DCBLD2: variants seen among roughly 807,000 people sequenced by gnomAD.
DCBLD2 encodes discoidin, CUB and LCCL domain containing 2.
A neutral mutation model predicts 86.8 loss-of-function variants in DCBLD2; 54 were observed. That is an observed-to-expected ratio of 0.62 (90% CI 0.50 to 0.78). The LOEUF (loss-of-function observed/expected upper bound fraction) is 0.78. DCBLD2 is among the 30% of genes least tolerant of loss of function. The pLI, the probability that DCBLD2 is intolerant of heterozygous loss-of-function variation, is 0.00. For synonymous variants in DCBLD2, 354 were observed against 341.3 expected, an observed-to-expected ratio of 1.04 and a Z score of -0.41; for missense variants, 908 against 954.2, an observed-to-expected ratio of 0.95 and a Z score of 0.64.
intron 2 of DCBLD2, among the ~76,000 whole-genome samples, chr3:98,859,022 G>A (rs936140044): frequency 1.3e-5 from 2 of 152,158 alleles, no homozygotes; most frequent in Admixed American, 6.5e-5. Flanking sequence ...GGTCACTTCT[G>A]CCCTAATACC....
Position 98,901,547 on chromosome 3 carries a change from C to CAGGGG in DCBLD2, c.-226_-222dup. The CAGGGG allele has an allele frequency of 2.7e-6, 1 of 375,102 alleles. No individual in the cohort carries two copies. The allele number at this position is 375,102 out of a possible 1,614,324, so 23.2% of individuals were successfully genotyped here. ...CGCGCCGAGACCCCAGGCCGGAGCG[C>CAGGGG]AGGGGAGGGGAGGGAAGGAAGCGGA... On this transcript the variant is annotated 5_prime_UTR_variant, in exon 1 of 16. Transcript: ENST00000326840.
chr3:98,865,280 C>T (rs1943122410), intron 2 of DCBLD2, among the ~76,000 whole-genome samples: 1 of 151,694 alleles, frequency 6.6e-6, no homozygotes, highest in Non-Finnish European at 1.5e-5. Context: ...ACTATTCAGC[C>T]TGTATTAAAA....
intron 2 of DCBLD2, among the ~76,000 whole-genome samples, chr3:98,880,221 G>A (rs548165095): frequency 2.0e-5 from 3 of 152,270 alleles, no homozygotes; most frequent in Admixed American, 6.5e-5. Flanking sequence ...GGCCAAAAAA[G>A]TAAAGAAGAG....
chr3:98,858,450 C>T (rs115658693), intron 2 of DCBLD2, among the ~76,000 whole-genome samples: 242 of 152,334 alleles, frequency 1.6e-3, no homozygotes, highest in Middle Eastern at 6.8e-3. Flanking sequence ...CGAGAGCGAG[C>T]GAGGCCTGCG....
intron 13 of DCBLD2, among the ~76,000 whole-genome samples, chr3:98,807,251 T>C (rs1281213036): frequency 6.6e-6 from 1 of 152,154 alleles, no homozygotes; most frequent in Non-Finnish European, 1.5e-5. Flanking sequence ...TTGGCTCAGG[T>C]TGGGCCATTT....
intron 2 of DCBLD2, among the ~76,000 whole-genome samples, chr3:98,867,220 G>T (rs568665385): frequency 6.6e-6 from 1 of 152,356 alleles, no homozygotes; most frequent in East Asian, 1.9e-4. Context: ...GAACTTTAAA[G>T]TAGTTTTTTC....
At chr3:98,897,135 T>A (rs1464589591) in intron 1 of DCBLD2, among the ~76,000 whole-genome samples, 2 of 152,190 alleles carry the variant, frequency 1.3e-5, no homozygotes, top group African/African-American at 4.8e-5. Context: ...TTAAGATATT[T>A]TTACATGTTT....
chr3:98,804,889 T>C (rs1389956041), intron 13 of DCBLD2: 3 of 152,286 alleles, frequency 2.0e-5, no homozygotes, highest in East Asian at 3.8e-4. Context: ...TCTTGTTTGA[T>C]TGAACTGTGG....
intron 3 of DCBLD2, among the ~76,000 whole-genome samples, chr3:98,839,707 A>C (rs955032284): frequency 3.9e-5 from 6 of 152,318 alleles, no homozygotes; most frequent in Admixed American, 2.6e-4. Context: ...CCAGATAAAA[A>C]TTCCTTCGTA....
At chr3:98,809,241 A>ACC (rs905053772) in intron 12 of DCBLD2, among the ~76,000 whole-genome samples, 1 of 152,074 alleles carries the variant, frequency 6.6e-6, no homozygotes, top group Non-Finnish European at 1.5e-5. Context: ...TTGTCGCTCA[A>ACC]CCCCCTACTT....
chr3:98,894,199 G>A (rs1019158089), intron 1 of DCBLD2, among the ~76,000 whole-genome samples: 3 of 152,080 alleles, frequency 2.0e-5, no homozygotes, highest in Non-Finnish European at 4.4e-5. Context: ...GCCTAACATC[G>A]CAGATACAAA....
chr3:98,801,947 A>G (rs1447728133), intron 13 of DCBLD2: 10 of 242,934 alleles, frequency 4.1e-5, no homozygotes, highest in South Asian at 1.0e-4. Flanking sequence ...TCTTAATTCA[A>G]TCTATCATTC....
Position 98,822,283 on chromosome 3 carries a change from T to G in DCBLD2, c.775A>C (p.Ser259Arg), listed in dbSNP as rs748435567. The change falls in exon 6 of 16, where the codon AGT becomes CGT. Residue 259 changes from serine (S) to arginine (R), a missense_variant. Around this residue, in one of 3 missense-constraint regions of DCBLD2, gnomAD observed 606 missense variants for 678.5 expected, o/e 0.89. Transcript: ENST00000326840. Reference sequence around the variant, plus strand: ...CTTTCATAATAGGGGATACCTTTACTAATTACAACACTGATTTGGCCGCCC... The same window carrying G: ...CTTTCATAATAGGGGATACCTTTACGAATTACAACACTGATTTGGCCGCCC... ...TLGGQISVVI[S>R]KGIPYYESSL... 3.1e-6 allele frequency: 5 copies of G among 1,613,966 alleles called. No individual in the cohort carries two copies. Among genetic ancestry groups the G allele is most frequent in the Non-Finnish European group, 8.5e-7 (1 of 1,179,854 alleles).
At chr3:98,877,500 A>C (rs1224511515) in intron 2 of DCBLD2, among the ~76,000 whole-genome samples, 1 of 152,214 alleles carries the variant, frequency 6.6e-6, no homozygotes, top group Non-Finnish European at 1.5e-5. Context: ...TAGGAAAAGG[A>C]TAGAATGAAC....
At chr3:98,856,258 T>G (rs1389493613) in intron 2 of DCBLD2, among the ~76,000 whole-genome samples, 1 of 152,148 alleles carries the variant, frequency 6.6e-6, no homozygotes, top group African/African-American at 2.4e-5. Flanking sequence ...AATGGACAGT[T>G]GTCAATTCCT....
chr3:98,869,899 A>T lies in DCBLD2; in HGVS notation c.433+11641T>A, dbSNP rs543668357. On this transcript the variant is annotated intron_variant, in intron 2 of 15. Coordinates refer to ENST00000326840, the MANE Select transcript of DCBLD2 (RefSeq NM_080927.4). ...GCTGAGATTTTATTTTGTAAGTGGA[A>T]ATACCGCTACTAAAAATGGAGTGCT... is the stretch of plus-strand genomic sequence containing the variant. Among the ~76,000 whole-genome samples, 5 of 152,360 alleles carry T rather than the reference A, an allele frequency of 3.3e-5. No individual in the cohort carries two copies. The East Asian group carries it at 9.6e-4, about 29-fold the overall frequency.
intron 2 of DCBLD2, among the ~76,000 whole-genome samples, chr3:98,859,650 C>G (rs1220665430): frequency 6.6e-6 from 1 of 152,202 alleles, no homozygotes; most frequent in African/African-American, 2.4e-5. Flanking sequence ...TCCAACAGAC[C>G]TCAGCTGAGG....
At chr3:98,811,403 T>C in intron 11 of DCBLD2, 65 bp downstream of exon 11, 1 of 1,612,206 alleles carries the variant, frequency 6.2e-7, no homozygotes, top group Non-Finnish European at 8.5e-7. Flanking sequence ...GCTTTTAATA[T>C]ATTTTTGGAA....
At chr3:98,840,310 T>C (rs539771935) in intron 3 of DCBLD2, among the ~76,000 whole-genome samples, 7 of 152,282 alleles carry the variant, frequency 4.6e-5, no homozygotes, top group African/African-American at 1.2e-4. Context: ...CAGCTGAATA[T>C]GAAGCTTGAG....
Sources: gnomAD v4.1 joint callset for allele counts (sites outside exome capture counted in the v4.1 genomes callset) on GRCh38, gnomAD v4.1.1 for gene constraint, gnomAD v4.1.1 regional missense constraint, MANE v1.5 for transcripts, NCBI Gene and HGNC (gene_info 2026-07-23, HGNC 2026-07-21) for gene names.